ACOXL: variants seen among roughly 807,000 people sequenced by gnomAD.
ACOXL encodes the protein acyl-coenzyme A oxidase-like protein.
In ACOXL, 70 loss-of-function variants were observed where a neutral mutation model predicts 71.9. That is an observed-to-expected ratio of 0.97 (90% CI 0.80 to 1.19). The LOEUF is 1.19. Among genes scored for constraint, ACOXL ranks in the 50% most tolerant of loss-of-function variants. The probability of loss-of-function intolerance (pLI) is 0.00; values close to 1 mark genes in which losing one functional copy is unlikely to be tolerated. For missense variants in ACOXL, 703 were observed against 736.3 expected, an observed-to-expected ratio of 0.95 and a Z score of 0.52; for synonymous variants, 253 against 281.6, an observed-to-expected ratio of 0.90 and a Z score of 1.02.
chr2:110,772,726 T>A (rs1682117350), intron 2 of ACOXL, among the ~76,000 whole-genome samples: 1 of 152,178 alleles, frequency 6.6e-6, no homozygotes, highest in Non-Finnish European at 1.5e-5. Context: ...AAACCAGTGG[T>A]TCTCAAAGTA....
chr2:110,963,693 G>A lies in ACOXL; in HGVS notation c.1060-23415G>A, dbSNP rs971949951. On this transcript the variant is annotated intron_variant, in intron 12 of 17. Transcript: ENST00000439055. ...AGATGTGTTTGCCACTTTTGAAGGTGACGATGTTGTTATGCTTCAGGTAAG... is the reference window on the plus strand; with the variant it reads ...AGATGTGTTTGCCACTTTTGAAGGTAACGATGTTGTTATGCTTCAGGTAAG... The A allele has an allele frequency of 1.9e-6, 3 of 1,613,846 alleles. No individual in the cohort carries two copies. In the African/African-American group the frequency reaches 4.0e-5, roughly 22 times the overall value.
Position 110,963,596 on chromosome 2 carries a change from TG to T in ACOXL, c.1060-23511del, listed in dbSNP as rs760159429. ...GTGTGTGTGTGTGTGTGTGTGTGTGTGTGTGTGTTTTTCTCTTTCTGCAACA... is the reference window on the plus strand; with the variant it reads ...GTGTGTGTGTGTGTGTGTGTGTGTGTTGTGTGTTTTTCTCTTTCTGCAACA... On this transcript the variant is annotated intron_variant, in intron 12 of 17. Transcript: ENST00000439055. 2.1e-3 allele frequency: 3,276 copies of T among 1,582,692 alleles called. 24 individuals carry two copies. The African/African-American group carries it at 0.037, about 18-fold the overall frequency.
chr2:110,768,573 G>T (rs1681438904), intron 2 of ACOXL, 109 bp downstream of exon 2: 2 of 1,001,274 alleles, frequency 2.0e-6, no homozygotes, highest in Admixed American at 2.2e-5. Flanking sequence ...TATGTTTAGA[G>T]GGTATATGTG....
At chr2:110,970,182 A>G (rs1009940321) in intron 12 of ACOXL, among the ~76,000 whole-genome samples, 3 of 152,220 alleles carry the variant, frequency 2.0e-5, no homozygotes, top group Non-Finnish European at 4.4e-5. Context: ...AGATAGAAGA[A>G]AAAAAGAATA....
intron 12 of ACOXL, among the ~76,000 whole-genome samples, chr2:110,940,603 G>A (rs192300346): frequency 3.9e-5 from 6 of 152,278 alleles, no homozygotes; most frequent in Admixed American, 3.9e-4. Flanking sequence ...AGCCCCTCAC[G>A]TTTGGCCTCA....
chr2:111,036,467 G>A (rs569252570), intron 15 of ACOXL, among the ~76,000 whole-genome samples: 3 of 152,320 alleles, frequency 2.0e-5, no homozygotes, highest in Admixed American at 6.5e-5. Flanking sequence ...CCAAGAATAG[G>A]CAGATGGAAT....
At chr2:111,023,111 G>A (rs995397790) in intron 14 of ACOXL, among the ~76,000 whole-genome samples, 6 of 152,308 alleles carry the variant, frequency 3.9e-5, no homozygotes, top group South Asian at 2.1e-4. Flanking sequence ...GATGTGTGTC[G>A]CAAAAGCTGA....
intron 12 of ACOXL, among the ~76,000 whole-genome samples, chr2:110,950,561 C>T (rs1025714979): frequency 3.9e-5 from 6 of 152,028 alleles, no homozygotes; most frequent in African/African-American, 9.7e-5. Flanking sequence ...TTTTGATCCA[C>T]GGTATGTTGT....
At chr2:110,799,805 T>C (rs993632584) in intron 7 of ACOXL, among the ~76,000 whole-genome samples, 2 of 152,042 alleles carry the variant, frequency 1.3e-5, no homozygotes, top group African/African-American at 4.8e-5. Flanking sequence ...CACCAATCAG[T>C]GCTCTGTAAA....
At chr2:111,094,737 G>A (rs893250182) in intron 17 of ACOXL, among the ~76,000 whole-genome samples, 1 of 152,198 alleles carries the variant, frequency 6.6e-6, no homozygotes, top group Non-Finnish European at 1.5e-5. Flanking sequence ...CATTTCTCAT[G>A]ATTTTGCATT....
At position 110,831,592 on chromosome 2, in the gene ACOXL, C is replaced by T. The variant is rs142814255; in HGVS notation, c.754-9779C>T. On this transcript the variant is annotated intron_variant, in intron 9 of 17. Transcript: ENST00000439055. ...TTATGTAAATATATCCAGGGTTATT[C>T]TAAAATTTATATGGGAGGGCAAAAG... Among the ~76,000 whole-genome samples the T allele has an allele frequency of 6.7e-3, 1,016 of 152,154 alleles. 11 individuals are homozygous for T. The highest frequency in any genetic ancestry group is 0.024 in the African/African-American group (984 of 41,496).
intron 2 of ACOXL, among the ~76,000 whole-genome samples, chr2:110,776,974 G>C (rs1682730551): frequency 2.0e-5 from 3 of 151,870 alleles, no homozygotes; most frequent in South Asian, 4.2e-4. Flanking sequence ...AGGTCAAGCA[G>C]TAGACAGACA....
Position 110,997,533 on chromosome 2 carries a change from A to G in ACOXL, c.1281+1529A>G, listed in dbSNP as rs372582122. Among the ~76,000 whole-genome samples the G allele has an allele frequency of 5.3e-5, 8 of 152,330 alleles. No individual in the cohort carries two copies. In the East Asian group the frequency reaches 1.5e-3, roughly 29 times the overall value. On this transcript the variant is annotated intron_variant, in intron 14 of 17. Coordinates refer to ENST00000439055, the MANE Select transcript of ACOXL (RefSeq NM_001142807.4). ...GAGGAAACTTCATGATCTAAGCATA[A>G]TATTCCAAGCCAGATTTAATCCCTG...
intron 3 of ACOXL, among the ~76,000 whole-genome samples, chr2:110,785,260 T>C (rs1279953430): frequency 1.3e-5 from 2 of 152,174 alleles, no homozygotes; most frequent in Non-Finnish European, 2.9e-5. Flanking sequence ...TTAGTCATGG[T>C]GACATCTTAT....
intron 16 of ACOXL, among the ~76,000 whole-genome samples, chr2:111,079,823 CTTTT>C (rs11334781): frequency 7.2e-6 from 1 of 139,800 alleles, no homozygotes; most frequent in African/African-American, 2.7e-5. Context: ...TAAGAGTCAC[CTTTT>C]TTTTTTTTAA....
At chr2:110,956,559 C>A (rs1217683955) in intron 12 of ACOXL, among the ~76,000 whole-genome samples, 1 of 152,142 alleles carries the variant, frequency 6.6e-6, no homozygotes, top group Non-Finnish European at 1.5e-5. Flanking sequence ...GCTCCCAGAT[C>A]CCCTCACATA....
chr2:110,981,200 T>G (rs1301549394), intron 12 of ACOXL, among the ~76,000 whole-genome samples: 1 of 152,086 alleles, frequency 6.6e-6, no homozygotes. Flanking sequence ...CCATCTCTAC[T>G]AAAATACAAA....
chr2:110,950,351 C>T (rs1283717537), intron 12 of ACOXL, among the ~76,000 whole-genome samples: 2 of 152,158 alleles, frequency 1.3e-5, no homozygotes, highest in African/African-American at 4.8e-5. Context: ...TGACCTTCAT[C>T]ACTGATAAGG....
rs536737453 is a variant in ACOXL at position 110,906,238 on chromosome 2, GT to G, written c.789-2548del. ...TAGAAACAAATTTTGATGAGATGCTGTTTAAAATTGTACTATTGGCCAGGCG... is the reference window on the plus strand; with the variant it reads ...TAGAAACAAATTTTGATGAGATGCTGTTAAAATTGTACTATTGGCCAGGCG... On this transcript the variant is annotated intron_variant, in intron 10 of 17. Transcript: ENST00000439055. Among the ~76,000 whole-genome samples, 649 of 152,194 alleles carry G rather than the reference GT, an allele frequency of 4.3e-3. 5 individuals are homozygous for G. Among genetic ancestry groups the G allele is most frequent in the Non-Finnish European group, 6.0e-3 (409 of 67,998 alleles).
Sources: allele counts gnomAD v4.1 joint callset (sites outside exome capture counted in the v4.1 genomes callset), GRCh38; gene constraint gnomAD v4.1.1; transcripts MANE v1.5; gene names NCBI Gene and HGNC (gene_info 2026-07-23, HGNC 2026-07-21).